Variants in ADGRG4 observed in about 807,000 individuals in gnomAD.
ADGRG4 encodes the protein adhesion G protein-coupled receptor G4.
In ADGRG4, 122 loss-of-function variants were observed where a neutral mutation model predicts 126.2. The observed-to-expected ratio is 0.97, with a 90% CI of 0.83 to 1.12. The LOEUF (loss-of-function observed/expected upper bound fraction) is 1.12, where lower values mean the gene tolerates loss of function less well. Ranked by LOEUF, ADGRG4 falls within the 50% of genes most tolerant of loss-of-function variation. The pLI, the probability that ADGRG4 is intolerant of heterozygous loss-of-function variation, is 0.00. For synonymous variants in ADGRG4, 943 were observed against 838.7 expected (o/e 1.12, Z -2.15); for missense variants, 2,481 against 2,251.8 (o/e 1.10, Z -2.06).
chrX:136,397,160 C>G (rs1020346871), intron 19 of ADGRG4, among the ~76,000 whole-genome samples: 1 of 110,945 alleles, frequency 9.0e-6, no homozygotes, highest in African/African-American at 3.3e-5. Flanking sequence ...TGGTCTTTCC[C>G]CACTAGATGC....
chrX:136,348,754 A>G lies in ADGRG4; in HGVS notation c.5048A>G (p.Lys1683Arg). 1 of 1,209,234 alleles carries G rather than the reference A, an allele frequency of 8.3e-7. No individual in the cohort carries two copies. The highest frequency in any genetic ancestry group is 1.1e-6 in the Non-Finnish European group (1 of 894,375). Residue 1683 changes from lysine to arginine, a missense_variant, in exon 6 of 26, where the codon AAG (lysine) becomes AGG (arginine). Transcript: ENST00000394143. ...GTTAFSPLSS[K>R]STGAISSIPK... The stretch of plus-strand genomic sequence containing the variant: ...ACTGCCTTCTCTCCACTCAGTTCTA[A>G]GAGCACTGGAGCTATTTCCTCCATT...
chrX:136,404,732 A>G (rs775526432), intron 22 of ADGRG4, among the ~76,000 whole-genome samples: 1 of 112,238 alleles, frequency 8.9e-6, no homozygotes, highest in African/African-American at 3.2e-5. Context: ...TCTCATTTTA[A>G]CAGTTTTCTG....
intron 15 of ADGRG4, among the ~76,000 whole-genome samples, chrX:136,385,271 T>A (rs1170050287): frequency 9.0e-6 from 1 of 111,636 alleles, no homozygotes; most frequent in South Asian, 3.8e-4. Context: ...TTTTAGCTAC[T>A]CTTGCCACAA....
At chrX:136,362,205 C>T (rs1419598928) in intron 12 of ADGRG4, among the ~76,000 whole-genome samples, 2 of 111,353 alleles carry the variant, frequency 1.8e-5, no homozygotes, top group African/African-American at 6.5e-5. Flanking sequence ...AGAGGGGCAG[C>T]AGGTTTTGAC....
At chrX:136,381,765 A>C (rs1466080943) in intron 15 of ADGRG4, among the ~76,000 whole-genome samples, 2 of 111,107 alleles carry the variant, frequency 1.8e-5, no homozygotes, top group Admixed American at 1.9e-4. Flanking sequence ...AAGGTCCCAC[A>C]ATAGGCTGTC....
chrX:136,401,090 G>T (rs1188215302), intron 21 of ADGRG4, among the ~76,000 whole-genome samples: 1 of 111,810 alleles, frequency 8.9e-6, no homozygotes, highest in Non-Finnish European at 1.9e-5. Flanking sequence ...GCTTTCACTG[G>T]ATACACAGTC....
At position 136,416,488 on chromosome X, in the gene ADGRG4, T is replaced by G. The variant is rs1422443001; in HGVS notation, c.9240T>G (p.Pro3080=). 8.4e-7 allele frequency: 1 copy of G among 1,190,735 alleles called. No homozygotes were observed. Among genetic ancestry groups the G allele is most frequent in the African/African-American group, 1.8e-5 (1 of 56,567 alleles). The change falls in exon 26 of 26, where the codon CCT becomes CCG. Residue 3080 remains proline, a synonymous_variant. Transcript: ENST00000394143. ...ACAAAGATCCTTACTGTTCCTCTCC[T>G]TGATTTGTGAAGTTGTGCCTAATTA... ...DFDKDPYCSS[P] is the part of the protein sequence containing the mutation.
intron 9 of ADGRG4, among the ~76,000 whole-genome samples, chrX:136,357,421 A>G (rs752138701): frequency 9.8e-5 from 11 of 112,009 alleles, no homozygotes; most frequent in African/African-American, 3.6e-4. Flanking sequence ...TTCTGCTCCT[A>G]GTTCTGTGTC....
intron 4 of ADGRG4, among the ~76,000 whole-genome samples, chrX:136,311,549 T>C (rs774383987): frequency 7.3e-4 from 80 of 110,134 alleles, no homozygotes; most frequent in Non-Finnish European, 1.2e-3. Context: ...GGAGGCTGGG[T>C]TTTTGAGGCA....
intron 15 of ADGRG4, among the ~76,000 whole-genome samples, chrX:136,386,923 C>A (rs933483670): frequency 2.7e-5 from 3 of 112,106 alleles, no homozygotes; most frequent in Non-Finnish European, 5.6e-5. Context: ...TTCTGATGAA[C>A]AGAAATTTAT....
rs967665469 is a variant in ADGRG4 at position 136,371,625 on chromosome X, C to G, written c.7613+81C>G. 5.7e-6 allele frequency: 3 copies of G among 527,420 alleles called. No homozygotes were observed. In the East Asian group the frequency reaches 1.1e-4, roughly 20 times the overall value. The allele number at this position is 527,420 out of a possible 1,213,427, so 43.5% of individuals were successfully genotyped here. ...CGGCCCTCTGTATCTGTGCATTCTG[C>G]ATTTGTCAATTCAAACAACCATAGA... On this transcript the variant is annotated intron_variant, in intron 14 of 25. Transcript: ENST00000394143.
intron 15 of ADGRG4, among the ~76,000 whole-genome samples, chrX:136,383,373 A>AC (rs2075273564): frequency 9.0e-6 from 1 of 111,451 alleles, no homozygotes; most frequent in Non-Finnish European, 1.9e-5. Context: ...TACTAATCCT[A>AC]CCCCTAAACA....
At chrX:136,377,263 G>A (rs1482713277) in intron 15 of ADGRG4, among the ~76,000 whole-genome samples, 1 of 95,279 alleles carries the variant, frequency 1.0e-5, no homozygotes, top group Non-Finnish European at 2.0e-5. Flanking sequence ...CTTGAACACA[G>A]ATCACTGCAG....
chrX:136,372,909 A>G lies in ADGRG4; in HGVS notation c.7621A>G (p.Arg2541Gly), dbSNP rs759379750. 4.1e-6 allele frequency: 5 copies of G among 1,211,001 alleles called. No homozygotes were observed. In the South Asian group the frequency reaches 8.8e-5, roughly 21 times the overall value. Residue 2541 changes from arginine to glycine, a missense_variant, in exon 15 of 26, where the codon AGG (arginine) becomes GGG (glycine). Coordinates refer to ENST00000394143, the MANE Select transcript of ADGRG4 (RefSeq NM_153834.4). ...DLHEISNEIL[R>G]IIERTGHKME... is the part of the protein sequence containing the mutation. ...ATCTGTGGTTTCTTGCAGAATTCTG[A>G]GGATAATTGAGCGTACTGGTCACAA...
In ADGRG4 at chrX:136,349,261, C is replaced by T. The variant is rs1389205803; in HGVS notation, c.5555C>T (p.Thr1852Ile). ...STEAEISTPK[T>I]SPPPTSQMVE... The stretch of plus-strand genomic sequence containing the variant: ...GAAGCTGAGATCTCTACTCCAAAGA[C>T]CTCTCCTCCTCCCACATCCCAAATG... The change falls in exon 6 of 26, where the codon ACC becomes ATC. Residue 1852 changes from threonine to isoleucine, a missense_variant. Transcript: ENST00000394143. The T allele has an allele frequency of 1.0e-5, 12 of 1,196,663 alleles. No individual in the cohort carries two copies. Among genetic ancestry groups the T allele is most frequent in the Middle Eastern group, 2.3e-4 (1 of 4,334 alleles).
At chrX:136,326,848 C>T (rs2074876515) in intron 5 of ADGRG4, among the ~76,000 whole-genome samples, 1 of 110,630 alleles carries the variant, frequency 9.0e-6, no homozygotes, top group African/African-American at 3.3e-5. Context: ...GAGTACATTG[C>T]TAGGTTACAA....
In ADGRG4 at chrX:136,387,870, T is replaced by G; in HGVS notation, c.7907T>G (p.Phe2636Cys). 8.3e-7 allele frequency: 1 copy of G among 1,205,549 alleles called. No individual in the cohort carries two copies. The highest frequency in any genetic ancestry group is 1.1e-6 in the Non-Finnish European group (1 of 891,659). Residue 2636 changes from phenylalanine (F) to cysteine (C), a missense_variant, in exon 16 of 26, where the codon TTT becomes TGT. By Grantham distance (205) the Phe-to-Cys change is radical. Transcript: ENST00000394143. ...LFNFFGQTSL[F>C]KTKNVTKALT... ...AATTTCTTTGGCCAAACTTCACTCT[T>G]TAAGGTAAATTCTTGCCTGTGGTAA...
Position 136,344,910 on chromosome X carries a change from T to A in ADGRG4, c.1204T>A (p.Ser402Thr), listed in dbSNP as rs768421522. 27 of 1,209,222 alleles carry A rather than the reference T, an allele frequency of 2.2e-5. No individual in the cohort carries two copies. In the South Asian group the frequency reaches 4.8e-4, roughly 21 times the overall value. ...TCAGTCGGCTGTTACGAAGACAACATCTTTATTTTCAACTATTGAGTCAAC... is the reference window on the plus strand; with the variant it reads ...TCAGTCGGCTGTTACGAAGACAACAACTTTATTTTCAACTATTGAGTCAAC... Reference protein sequence around the residue: ...KSQSAVTKTTSLFSTIESTSM... With the variant: ...KSQSAVTKTTTLFSTIESTSM... Residue 402 changes from serine (S) to threonine (T), a missense_variant, in exon 6 of 26, where the codon TCT becomes ACT. Transcript: ENST00000394143.
At position 136,412,307 on chromosome X, in the gene ADGRG4, T is replaced by TGCGGGAGCAGTG; in HGVS notation, c.8981_8992dup (p.Arg2994_Trp2997dup). On this transcript the variant is annotated inframe_insertion, in exon 24 of 26. Transcript: ENST00000394143. ...TTTCACTGTGTGATGAAGGAGAGTGTGCGGGAGCAGTGGCAGATACACCTC... is the reference window on the plus strand; with the variant it reads ...TTTCACTGTGTGATGAAGGAGAGTGTGCGGGAGCAGTGGCGGGAGCAGTGGCAGATACACCTC... 1 of 1,205,285 alleles carries TGCGGGAGCAGTG rather than the reference T, an allele frequency of 8.3e-7. No homozygotes were observed. Among genetic ancestry groups the TGCGGGAGCAGTG allele is most frequent in the Non-Finnish European group, 1.1e-6 (1 of 889,457 alleles).
Sources: allele counts gnomAD v4.1 joint callset (sites outside exome capture counted in the v4.1 genomes callset), GRCh38; gene constraint gnomAD v4.1.1; transcripts MANE v1.5; gene names NCBI Gene and HGNC (gene_info 2026-07-23, HGNC 2026-07-21).